MYH1: variants seen among roughly 807,000 people sequenced by gnomAD.
MYH1 encodes the protein myosin heavy chain 1.
In MYH1, 214 loss-of-function variants were observed where a neutral mutation model predicts 225.6. That is an observed-to-expected ratio of 0.95 (90% CI 0.85 to 1.06). The LOEUF (loss-of-function observed/expected upper bound fraction) is 1.06, where lower values mean the gene tolerates loss of function less well. Among genes scored for constraint, MYH1 ranks in the 50% least tolerant of loss-of-function variants. The probability of loss-of-function intolerance (pLI) is 0.00; values close to 1 mark genes in which losing one functional copy is unlikely to be tolerated. For missense variants in MYH1, 2,098 were observed against 2,344.2 expected (o/e 0.89, Z 2.17); for synonymous variants, 774 against 842.3 (o/e 0.92, Z 1.40).
chr17:10,514,836 C>T, intron 6 of MYH1, 32 bp downstream of exon 6: 1 of 1,596,830 alleles, frequency 6.3e-7, no homozygotes, highest in Non-Finnish European at 8.6e-7. Context: ...TAAGAACAAA[C>T]TGCCAATAAA....
At chr17:10,506,800 CTTCT>C (rs1307545798) in intron 17 of MYH1, among the ~76,000 whole-genome samples, 1 of 152,132 alleles carries the variant, frequency 6.6e-6, no homozygotes, top group Non-Finnish European at 1.5e-5. Context: ...GTCACACTCA[CTTCT>C]TTCTTTACCT....
chr17:10,516,426 T>C lies in MYH1; in HGVS notation c.204+13A>G. 6.2e-7 allele frequency: 1 copy of C among 1,614,214 alleles called. No individual in the cohort carries two copies. Among genetic ancestry groups the C allele is most frequent in the Non-Finnish European group, 8.5e-7 (1 of 1,180,046 alleles). The stretch of plus-strand genomic sequence containing the variant: ...GAGGCAGAGTCTAATCAGCTCCAGG[T>C]GTTTTTACTCACAGCTCCAGCTTCG... On this transcript the variant is annotated intron_variant, in intron 3 of 39. Transcript: ENST00000226207.
intron 30 of MYH1, 74 bp downstream of exon 30, chr17:10,498,550 GTT>G: frequency 1.9e-6 from 3 of 1,588,784 alleles, no homozygotes; most frequent in Non-Finnish European, 2.6e-6. Context: ...GTCCCAGAAT[GTT>G]TTTTCCCTAG....
Position 10,492,410 on chromosome 17 carries a change from G to A in MYH1, c.*6C>T, listed in dbSNP as rs373690161. The A allele has an allele frequency of 6.2e-7, 1 of 1,613,382 alleles. No homozygotes were observed. Among genetic ancestry groups the A allele is most frequent in the African/African-American group, 1.3e-5 (1 of 74,878 alleles). On this transcript the variant is annotated 3_prime_UTR_variant, in exon 40 of 40. Coordinates refer to ENST00000226207, the MANE Select transcript of MYH1 (RefSeq NM_005963.4). ...TTCTTTGGTCACCTTTCAGCAGTTAGATAAATTACTCTTCACTTATGATTT... is the reference window on the plus strand; with the variant it reads ...TTCTTTGGTCACCTTTCAGCAGTTAAATAAATTACTCTTCACTTATGATTT...
chr17:10,500,362 TTATA>T (rs111335253), intron 28 of MYH1, among the ~76,000 whole-genome samples: 1 of 147,566 alleles, frequency 6.8e-6, no homozygotes. Context: ...CTCTCTCTCT[TTATA>T]TATATATATA....
Position 10,516,698 on chromosome 17 carries a change from A to T in MYH1, c.-40-16T>A. ...AGGACCCTGGCTGGGAGAGGAAGAA[A>T]AGAAATTGTAGAAATTAAGAAACTG... On this transcript the variant is annotated splice_polypyrimidine_tract_variant and intron_variant, in intron 2 of 39. Transcript: ENST00000226207. 1 of 1,592,000 alleles carries T rather than the reference A, an allele frequency of 6.3e-7. No homozygotes were observed. The highest frequency in any genetic ancestry group is 8.6e-7 in the Non-Finnish European group (1 of 1,167,366).
At position 10,512,737 on chromosome 17, in the gene MYH1, G is replaced by T. The variant is rs142720137; in HGVS notation, c.952C>A (p.Gln318Lys). 6.2e-7 allele frequency: 1 copy of T among 1,613,960 alleles called. No individual in the cohort carries two copies. The highest frequency in any genetic ancestry group is 8.5e-7 in the Non-Finnish European group (1 of 1,179,986). Residue 318 changes from glutamine (Q) to lysine (K), a missense_variant, in exon 11 of 40, where the codon CAA becomes AAA. Gln to Lys is a moderately conservative substitution (Grantham distance 53). Transcript: ENST00000226207. ...TNPYDYAFVSQGEITVPSIDD... is the reference protein window; with the variant it reads ...TNPYDYAFVSKGEITVPSIDD... ...ATGCTGGGCACTGTGATCTCCCCTT[G>T]ACTGACGAAGGCATAATCGTATGGG...
chr17:10,509,145 T>C (rs147082333), intron 15 of MYH1, among the ~76,000 whole-genome samples: 363 of 152,282 alleles, frequency 2.4e-3, no homozygotes, highest in Non-Finnish European at 4.6e-3. Context: ...TAACGTACAG[T>C]AGTAGAAATT....
In MYH1 at chr17:10,515,870, A is replaced by G. The variant is rs553231927; in HGVS notation, c.505+56T>C. ...CTAAAGGTCTTTTTTTAGTTCTAATATTTTGTGATTATGGATGGTAAAATA... is the reference window on the plus strand; with the variant it reads ...CTAAAGGTCTTTTTTTAGTTCTAATGTTTTGTGATTATGGATGGTAAAATA... On this transcript the variant is annotated intron_variant, in intron 5 of 39. Coordinates refer to ENST00000226207, the MANE Select transcript of MYH1 (RefSeq NM_005963.4). 8.8e-5 allele frequency: 142 copies of G among 1,612,644 alleles called. 2 individuals carry two copies. In the East Asian group the frequency reaches 2.8e-3, roughly 32 times the overall value.
intron 35 of MYH1, among the ~76,000 whole-genome samples, chr17:10,495,644 C>T (rs1280175933): frequency 6.6e-6 from 1 of 150,784 alleles, no homozygotes; most frequent in Admixed American, 6.6e-5. Context: ...GCCTGTAGTC[C>T]CAGGTACTCC....
At chr17:10,494,509 C>T (rs1261908630) in intron 38 of MYH1, 60 bp from the exon 39 acceptor site, 9 of 1,610,368 alleles carry the variant, frequency 5.6e-6, no homozygotes, top group Non-Finnish European at 7.6e-6. Context: ...TTTTGTCATA[C>T]ATATGACTTT....
At position 10,495,075 on chromosome 17, in the gene MYH1, C is replaced by T; in HGVS notation, c.5322G>A (p.Lys1774=). 1 of 1,614,226 alleles carries T rather than the reference C, an allele frequency of 6.2e-7. No homozygotes were observed. ...GATGGGCGCTGGTGTCCTGTTCCTT[C>T]TTCAGCTCCTCAGCCATCATGGCAG... ...TDAAMMAEEL[K]KEQDTSAHLE... is the part of the protein sequence containing the mutation. The change falls in exon 37 of 40, where the codon AAG becomes AAA. Residue 1774 remains lysine, a synonymous_variant. Coordinates refer to ENST00000226207, the MANE Select transcript of MYH1 (RefSeq NM_005963.4).
Position 10,496,441 on chromosome 17 carries a change from G to C in MYH1, c.4765C>G (p.Gln1589Glu). The C allele has an allele frequency of 6.2e-7, 1 of 1,613,888 alleles. No individual in the cohort carries two copies. Among genetic ancestry groups the C allele is most frequent in the Non-Finnish European group, 8.5e-7 (1 of 1,179,996 alleles). ...ATTCTAATGTGGTTTCTCTTCATCTGGTCAATTTCCTCATCTTTTTCAGCA... is the reference window on the plus strand; with the variant it reads ...ATTCTAATGTGGTTTCTCTTCATCTCGTCAATTTCCTCATCTTTTTCAGCA... The part of the protein sequence containing the change: ...KIAEKDEEID[Q>E]MKRNHIRIVE... The change falls in exon 34 of 40, where the codon CAG (glutamine) becomes GAG (glutamate). Residue 1589 changes from glutamine (Q) to glutamate (E), a missense_variant. Transcript: ENST00000226207.
At chr17:10,505,638 T>A (rs2073104016) in intron 19 of MYH1, 127 bp from the exon 20 acceptor site, 3 of 1,370,058 alleles carry the variant, frequency 2.2e-6, no homozygotes, top group Non-Finnish European at 3.0e-6. Flanking sequence ...TACCCCTTTA[T>A]CTATCCTCTG....
intron 20 of MYH1, 22 bp downstream of exon 20, chr17:10,505,366 G>A (rs966389916): frequency 6.2e-7 from 1 of 1,614,194 alleles, no homozygotes. Flanking sequence ...AATAGCATCA[G>A]GTAGGATTTA....
At position 10,501,273 on chromosome 17, in the gene MYH1, G is replaced by A. The variant is rs763430162; in HGVS notation, c.3575C>T (p.Thr1192Met). ...ATGCTTCTTCCTCAGGGTGGCCGCC[G>A]TGGCTTCATGCTGTAGGGTGGCCTC... ...LEEATLQHEA[T>M]AATLRKKHAD... Residue 1192 changes from threonine (T) to methionine (M), a missense_variant, in exon 27 of 40, where the codon ACG becomes ATG. Physicochemically the swap from Thr to Met is moderately conservative, Grantham distance 81. Coordinates refer to ENST00000226207, the MANE Select transcript of MYH1 (RefSeq NM_005963.4). The A allele has an allele frequency of 3.1e-6, 5 of 1,614,196 alleles. No individual in the cohort carries two copies. The highest frequency in any genetic ancestry group is 4.5e-5 in the East Asian group (2 of 44,870).
chr17:10,514,989 T>G (rs1242666655), intron 5 of MYH1, 94 bp from the exon 6 acceptor site: 1 of 1,096,264 alleles, frequency 9.1e-7, no homozygotes, highest in East Asian at 2.4e-5. Context: ...AAGTGTCATG[T>G]ATTCAGTGGG....
intron 35 of MYH1, among the ~76,000 whole-genome samples, 193 bp downstream of exon 35, chr17:10,495,757 T>G (rs2072983341): frequency 2.7e-4 from 1 of 3,770 alleles, no homozygotes; most frequent in African/African-American, 3.2e-4. Flanking sequence ...CGAGACTCCG[T>G]CTCAAAAAAA....
intron 5 of MYH1, 63 bp from the exon 6 acceptor site, chr17:10,514,958 T>C (rs1017068): frequency 6.9e-7 from 1 of 1,446,886 alleles, no homozygotes; most frequent in African/African-American, 1.4e-5. Flanking sequence ...CTTTCTATAG[T>C]GAAACAGGGC....
Sources: gnomAD v4.1 joint callset for allele counts (sites outside exome capture counted in the v4.1 genomes callset) on GRCh38, gnomAD v4.1.1 for gene constraint, MANE v1.5 for transcripts, NCBI Gene and HGNC (gene_info 2026-07-23, HGNC 2026-07-21) for gene names.